Variants in ADAMTSL2 observed in about 807,000 individuals in gnomAD.
ADAMTSL2 encodes the protein ADAMTS like 2, also known as ADAMTS-like protein 2.
Under a neutral mutation model 117.0 loss-of-function variants are expected in ADAMTSL2, and 55 were observed. That is an observed-to-expected ratio of 0.47 (90% CI 0.38 to 0.59). The LOEUF (loss-of-function observed/expected upper bound fraction) is 0.59. ADAMTSL2 is among the 20% of genes least tolerant of loss of function. The pLI, the probability that ADAMTSL2 is intolerant of heterozygous loss-of-function variation, is 0.00. For missense variants in ADAMTSL2, 1,182 were observed against 1,354.5 expected, an observed-to-expected ratio of 0.87 and a Z score of 2.00; for synonymous variants, 572 against 566.4, an observed-to-expected ratio of 1.01 and a Z score of -0.14.
At chr9:133,542,922 C>T (rs191153483) in intron 7 of ADAMTSL2, among the ~76,000 whole-genome samples, 41 of 152,208 alleles carry the variant, frequency 2.7e-4, no homozygotes, top group African/African-American at 9.9e-4. Context: ...AAAACAAAGT[C>T]ACCATTTTCT....
chr9:133,534,732 C>A lies in ADAMTSL2; in HGVS notation c.-336C>A. 7.2e-7 allele frequency: 1 copy of A among 1,390,850 alleles called. No individual in the cohort carries two copies. Among genetic ancestry groups the A allele is most frequent in the Non-Finnish European group, 9.4e-7 (1 of 1,065,534 alleles). 86.2% of individuals were successfully genotyped at this position (1,390,850 alleles called of 1,614,324 possible). ...GGGCTGCGCCCCTCCCGGGAACCCC[C>A]TCTCTTGGATGCTCTTTGAAGTGGG... is the stretch of plus-strand genomic sequence containing the variant. On this transcript the variant is annotated 5_prime_UTR_variant, in exon 1 of 19. Coordinates refer to ENST00000651351, the MANE Select transcript of ADAMTSL2 (RefSeq NM_014694.4).
intron 17 of ADAMTSL2, among the ~76,000 whole-genome samples, chr9:133,570,823 C>T (rs1831088732): frequency 1.3e-5 from 2 of 152,158 alleles, no homozygotes; most frequent in African/African-American, 2.4e-5. Flanking sequence ...TGCCGGACAC[C>T]GCGGGACAGA....
rs553955759 is a variant in ADAMTSL2 at position 133,568,440 on chromosome 9, G to A, written c.2042G>A (p.Arg681Gln). The change falls in exon 14 of 19, where the codon CGG becomes CAG. Residue 681 changes from arginine (R) to glutamine (Q), a missense_variant. Physicochemically the swap from Arg to Gln is conservative, Grantham distance 43. This residue lies in a region of ADAMTSL2 where 465 missense variants were observed against 565.3 expected (regional missense o/e 0.82). Coordinates refer to ENST00000651351, the MANE Select transcript of ADAMTSL2 (RefSeq NM_014694.4). ...CGGCCCGAGGAACGCAAGACCTGCCGGAACCCCGCCTGCGGGCCCCAGTGG... is the reference window on the plus strand; with the variant it reads ...CGGCCCGAGGAACGCAAGACCTGCCAGAACCCCGCCTGCGGGCCCCAGTGG... ...AVRPEERKTCRNPACGPQWEM... is the reference protein window; with the variant it reads ...AVRPEERKTCQNPACGPQWEM... 4,024 of 1,608,636 alleles carry A rather than the reference G, an allele frequency of 2.5e-3. 37 individuals carry two copies. The highest frequency in any genetic ancestry group is 0.015 in the South Asian group (1,398 of 90,270).
intron 12 of ADAMTSL2, among the ~76,000 whole-genome samples, chr9:133,563,904 GGAGAGAGAGAGAGGGAGAGA>G (rs1564508731): frequency 0.025 from 41 of 1,638 alleles, 1 homozygote; most frequent in Non-Finnish European, 0.032. Flanking sequence ...AGAGAGAAGG[GGAGAGAGAGAGAGGGAGAGA>G]GAGAGAGAGA....
intron 9 of ADAMTSL2, among the ~76,000 whole-genome samples, chr9:133,548,079 C>T (rs1830396472): frequency 1.3e-5 from 2 of 152,362 alleles, no homozygotes; most frequent in South Asian, 2.1e-4. Context: ...GGGTTGGAGC[C>T]ACCCCACAAC....
chr9:133,538,356 T>C lies in ADAMTSL2; in HGVS notation c.241T>C (p.Ser81Pro), dbSNP rs1830102898. The C allele has an allele frequency of 6.2e-7, 1 of 1,613,244 alleles. No homozygotes were observed. The highest frequency in any genetic ancestry group is 8.5e-7 in the Non-Finnish European group (1 of 1,180,030). Residue 81 changes from serine (S) to proline (P), a missense_variant, in exon 4 of 19, where the codon TCC becomes CCC. Coordinates refer to ENST00000651351, the MANE Select transcript of ADAMTSL2 (RefSeq NM_014694.4). ...CCTGCATCTTTCTGCCAGGAGGAAG[T>C]CCGTCCCGGGCCCCGGGAACAGGAC... ...ERHCLQQRRK[S>P]VPGPGNRTCT...
chr9:133,565,281 C>T (rs1365412600), intron 12 of ADAMTSL2, among the ~76,000 whole-genome samples: 3 of 152,280 alleles, frequency 2.0e-5, no homozygotes, highest in African/African-American at 4.8e-5. Context: ...GTTCCCATTT[C>T]GGGAAGGAGC....
chr9:133,555,778 TGAG>T lies in ADAMTSL2; in HGVS notation c.1501_1503del (p.Glu501del), dbSNP rs2131141808. 3.1e-6 allele frequency: 5 copies of T among 1,614,032 alleles called. No homozygotes were observed. The highest frequency in any genetic ancestry group is 4.2e-6 in the Non-Finnish European group (5 of 1,180,040). ...TGGCCGAGAGCTTCTTCGTGGATTA[TGAG>T]GAGAACGAGGGGGCTGGCCCTTACC... On this transcript the variant is annotated inframe_deletion, in exon 11 of 19. Coordinates refer to ENST00000651351, the MANE Select transcript of ADAMTSL2 (RefSeq NM_014694.4).
intron 15 of ADAMTSL2, among the ~76,000 whole-genome samples, chr9:133,569,123 C>G (rs1384281528): frequency 6.6e-6 from 1 of 152,066 alleles, no homozygotes; most frequent in Non-Finnish European, 1.5e-5. Flanking sequence ...CTTTCCCTGT[C>G]TCTGTCTCTC....
upstream of ADAMTSL2, chr9:133,534,530 C>T (rs1165936627): frequency 1.0e-5 from 7 of 694,936 alleles, no homozygotes; most frequent in South Asian, 7.5e-5. Flanking sequence ...CCGCCGCCGC[C>T]GGCAGCAGCC....
rs1198735320 is a variant in ADAMTSL2, at chr9:133,568,340, C to T, written c.1942C>T (p.Arg648Cys). The part of the protein sequence containing the change: ...CGEGYQFRVV[R>C]CWKMLSPGFD... ...AGAGGGCTACCAGTTCCGCGTCGTG[C>T]GCTGCTGGAAGATGCTCTCGCCCGG... Residue 648 changes from arginine to cysteine, a missense_variant, in exon 14 of 19, where the codon CGC becomes TGC. By Grantham distance (180) the Arg-to-Cys change is radical. This residue lies in a region of ADAMTSL2 where 465 missense variants were observed against 565.3 expected (regional missense o/e 0.82). Coordinates refer to ENST00000651351, the MANE Select transcript of ADAMTSL2 (RefSeq NM_014694.4). 20 of 1,588,778 alleles carry T rather than the reference C, an allele frequency of 1.3e-5. No individual in the cohort carries two copies. Among genetic ancestry groups the T allele is most frequent in the Non-Finnish European group, 1.5e-5 (18 of 1,168,414 alleles).
At chr9:133,563,392 A>G (rs999492707) in intron 12 of ADAMTSL2, among the ~76,000 whole-genome samples, 217 of 151,854 alleles carry the variant, frequency 1.4e-3, no homozygotes, top group African/African-American at 4.9e-3. Context: ...GAGTTCCTCC[A>G]CTCTTCCTGG....
chr9:133,568,734 G>A lies in ADAMTSL2; in HGVS notation c.2220G>A (p.Gln740=). ...GCACGGGCCCGCCCTGTGACCGGCA[G>A]TGGACCGTCTCCGACTGGGGACCGG... ...KNCTGPPCDR[Q]WTVSDWGPCS... The change falls in exon 15 of 19, where the codon CAG becomes CAA. Residue 740 remains glutamine (Q), a synonymous_variant. Coordinates refer to ENST00000651351, the MANE Select transcript of ADAMTSL2 (RefSeq NM_014694.4). The A allele has an allele frequency of 6.2e-7, 1 of 1,613,206 alleles. No homozygotes were observed. The highest frequency in any genetic ancestry group is 1.3e-5 in the African/African-American group (1 of 75,066).
At chr9:133,541,086 G>A in intron 7 of ADAMTSL2, 85 bp downstream of exon 7, 1 of 1,543,434 alleles carries the variant, frequency 6.5e-7, no homozygotes, top group Admixed American at 1.9e-5. Context: ...GCAGCCTCCT[G>A]TGTACCACTG....
intron 12 of ADAMTSL2, among the ~76,000 whole-genome samples, chr9:133,564,908 G>A (rs964645423): frequency 6.6e-6 from 1 of 152,138 alleles, no homozygotes; most frequent in Non-Finnish European, 1.5e-5. Context: ...CAAGAACCCA[G>A]GCACAGGGCA....
At chr9:133,543,563 G>A (rs149769472) in intron 7 of ADAMTSL2, among the ~76,000 whole-genome samples, 94 of 152,316 alleles carry the variant, frequency 6.2e-4, no homozygotes, top group African/African-American at 2.2e-3. Flanking sequence ...GGACAGGTCA[G>A]GATCTCCAGG....
In ADAMTSL2 at chr9:133,548,090, C is replaced by T. The variant is rs1830396753; in HGVS notation, c.939+877C>T. 2.0e-5 allele frequency among the ~76,000 whole-genome samples: 3 copies of T among 152,238 alleles called. No homozygotes were observed. In the South Asian group the frequency reaches 6.2e-4, roughly 31 times the overall value. ...AGCAGGGTTGGAGCCACCCCACAACCTGGGCTGTTTTGGTTTCCAGATCTC... is the reference window on the plus strand; with the variant it reads ...AGCAGGGTTGGAGCCACCCCACAACTTGGGCTGTTTTGGTTTCCAGATCTC... On this transcript the variant is annotated intron_variant, in intron 9 of 18. Transcript: ENST00000651351.
At chr9:133,560,153 G>A (rs1230639647) in intron 11 of ADAMTSL2, among the ~76,000 whole-genome samples, 2 of 152,224 alleles carry the variant, frequency 1.3e-5, no homozygotes, top group African/African-American at 4.8e-5. Context: ...GGTGACTGAA[G>A]GTCCTGAAGA....
chr9:133,534,479 C>A, upstream of ADAMTSL2: 1 of 386,398 alleles, frequency 2.6e-6, no homozygotes, highest in Non-Finnish European at 4.4e-6. Context: ...GCCCCCAGTT[C>A]TGGACCCGGG....
Sources: gnomAD v4.1 joint callset for allele counts (sites outside exome capture counted in the v4.1 genomes callset) on GRCh38, gnomAD v4.1.1 for gene constraint, gnomAD v4.1.1 regional missense constraint, MANE v1.5 for transcripts, NCBI Gene and HGNC (gene_info 2026-07-23, HGNC 2026-07-21) for gene names.